SNTB1: variants seen among roughly 807,000 people sequenced by gnomAD.
SNTB1 encodes syntrophin beta 1, also known as beta-1-syntrophin.
Under a neutral mutation model 48.9 loss-of-function variants are expected in SNTB1, and 36 were observed. The ratio of observed to expected loss-of-function variants is 0.74; its 90% confidence interval spans 0.56 to 0.97. The LOEUF (loss-of-function observed/expected upper bound fraction) is 0.97, where lower values mean the gene tolerates loss of function less well. SNTB1 is among the 50% of genes least tolerant of loss of function. The probability of loss-of-function intolerance (pLI) is 0.00; values close to 1 mark genes in which losing one functional copy is unlikely to be tolerated. For missense variants in SNTB1, 786 were observed against 703.4 expected, an observed-to-expected ratio of 1.12 and a Z score of -1.33; for synonymous variants, 299 against 294.6, an observed-to-expected ratio of 1.01 and a Z score of -0.15.
At chr8:120,631,921 C>G (rs1337722388) in intron 3 of SNTB1, among the ~76,000 whole-genome samples, 2 of 152,108 alleles carry the variant, frequency 1.3e-5, no homozygotes, top group South Asian at 4.1e-4. Context: ...TAAAGAGTGG[C>G]TGGCTTAAGA....
chr8:120,649,146 T>C (rs929776971), intron 2 of SNTB1, among the ~76,000 whole-genome samples: 4 of 150,800 alleles, frequency 2.7e-5, no homozygotes, highest in East Asian at 1.9e-4. Flanking sequence ...TTTGATCGTC[T>C]GAAGCCTTCT....
At chr8:120,596,140 TGG>T (rs1198940568) in intron 3 of SNTB1, among the ~76,000 whole-genome samples, 4 of 152,172 alleles carry the variant, frequency 2.6e-5, no homozygotes. Context: ...GGGATGTGGA[TGG>T]TTTCACAAGC....
At chr8:120,565,000 C>T (rs1187050837) in intron 4 of SNTB1, among the ~76,000 whole-genome samples, 2 of 152,190 alleles carry the variant, frequency 1.3e-5, no homozygotes, top group Non-Finnish European at 2.9e-5. Context: ...TATGATGAAA[C>T]ATTGTTTTCT....
intron 1 of SNTB1, among the ~76,000 whole-genome samples, chr8:120,803,363 T>C (rs1237311579): frequency 2.6e-5 from 4 of 152,190 alleles, no homozygotes; most frequent in African/African-American, 9.7e-5. Context: ...TTGTCTTAAG[T>C]CTTAACTCTG....
intron 1 of SNTB1, among the ~76,000 whole-genome samples, chr8:120,808,221 C>G (rs1366182849): frequency 6.6e-6 from 1 of 152,120 alleles, no homozygotes; most frequent in Non-Finnish European, 1.5e-5. Context: ...CACTATGTTA[C>G]TTTATGCAAA....
At chr8:120,569,823 C>T (rs928254467) in intron 4 of SNTB1, among the ~76,000 whole-genome samples, 1 of 152,178 alleles carries the variant, frequency 6.6e-6, no homozygotes, top group African/African-American at 2.4e-5. Flanking sequence ...TTGTTAATTT[C>T]ACTTAAATTT....
At chr8:120,721,927 C>T (rs1176181301) in intron 1 of SNTB1, among the ~76,000 whole-genome samples, 3 of 150,246 alleles carry the variant, frequency 2.0e-5, no homozygotes, top group Non-Finnish European at 4.4e-5. Context: ...TGTGATGTTC[C>T]CCACCCTGTG....
At chr8:120,716,780 C>T (rs1818565348) in intron 1 of SNTB1, among the ~76,000 whole-genome samples, 10 of 152,152 alleles carry the variant, frequency 6.6e-5, no homozygotes, top group Admixed American at 6.5e-4. Flanking sequence ...TATCAAATTT[C>T]ATGATTTAAC....
chr8:120,675,546 C>T (rs139534281), intron 2 of SNTB1, among the ~76,000 whole-genome samples: 2 of 152,198 alleles, frequency 1.3e-5, no homozygotes, highest in Non-Finnish European at 2.9e-5. Flanking sequence ...TCATTTTGTA[C>T]TTGCACTTCC....
intron 1 of SNTB1, among the ~76,000 whole-genome samples, chr8:120,713,367 T>A (rs1818498165): frequency 6.6e-6 from 1 of 152,212 alleles, no homozygotes. Context: ...ACCTTTTCAG[T>A]CACCCCCACC....
At chr8:120,688,668 G>A (rs974271519) in intron 2 of SNTB1, among the ~76,000 whole-genome samples, 2 of 152,158 alleles carry the variant, frequency 1.3e-5, no homozygotes, top group East Asian at 1.9e-4. Context: ...AGGGCAAGTA[G>A]GAAGTTGTCA....
intron 2 of SNTB1, among the ~76,000 whole-genome samples, chr8:120,655,798 C>T (rs762541708): frequency 1.3e-5 from 2 of 152,162 alleles, no homozygotes; most frequent in Non-Finnish European, 1.5e-5. Flanking sequence ...AAGGACAGAA[C>T]CACTCACACT....
chr8:120,665,699 G>A (rs548679969), intron 2 of SNTB1, among the ~76,000 whole-genome samples: 1 of 152,210 alleles, frequency 6.6e-6, no homozygotes, highest in African/African-American at 2.4e-5. Flanking sequence ...ATAGTTGTAT[G>A]CTTTACTTTG....
intron 2 of SNTB1, among the ~76,000 whole-genome samples, chr8:120,677,284 TG>T (rs1817852966): frequency 6.6e-6 from 1 of 152,206 alleles, no homozygotes; most frequent in Non-Finnish European, 1.5e-5. Flanking sequence ...ATAAATTTAT[TG>T]GAATATTTCT....
chr8:120,603,381 G>A (rs377666500), intron 3 of SNTB1, among the ~76,000 whole-genome samples: 8 of 152,206 alleles, frequency 5.3e-5, no homozygotes, highest in East Asian at 1.9e-4. Context: ...GATTACAGGC[G>A]TGAGCCACCG....
At chr8:120,572,113 T>G (rs1409317331) in intron 4 of SNTB1, among the ~76,000 whole-genome samples, 2 of 152,174 alleles carry the variant, frequency 1.3e-5, no homozygotes, top group East Asian at 3.9e-4. Flanking sequence ...GTGTTAATTC[T>G]TGCTCTGCTA....
intron 1 of SNTB1, among the ~76,000 whole-genome samples, chr8:120,791,409 C>T (rs1001665510): frequency 6.6e-6 from 1 of 151,748 alleles, no homozygotes; most frequent in Admixed American, 6.6e-5. Context: ...ATGACTAAAA[C>T]CCCGAAAGCA....
chr8:120,810,220 T>C (rs1438393544), intron 1 of SNTB1, among the ~76,000 whole-genome samples: 1 of 152,138 alleles, frequency 6.6e-6, no homozygotes, highest in African/African-American at 2.4e-5. Context: ...AGTAAATAGA[T>C]AAAATAATTA....
intron 1 of SNTB1, among the ~76,000 whole-genome samples, chr8:120,742,726 T>C (rs1819061097): frequency 1.3e-5 from 2 of 152,190 alleles, no homozygotes; most frequent in Non-Finnish European, 2.9e-5. Context: ...TTTCCTTCCT[T>C]TTTCCAGAAA....
Sources: allele counts gnomAD v4.1 joint callset (sites outside exome capture counted in the v4.1 genomes callset), GRCh38; gene constraint gnomAD v4.1.1; transcripts MANE v1.5; gene names NCBI Gene and HGNC (gene_info 2026-07-23, HGNC 2026-07-21).